The following SPAG1 variants were observed in gnomAD, a reference collection of about 807,000 sequenced individuals.
SPAG1 encodes the protein sperm-associated antigen 1.
In SPAG1, 69 loss-of-function variants were observed where a neutral mutation model predicts 100.5. The observed-to-expected ratio is 0.69, with a 90% confidence interval of 0.57 to 0.84. The LOEUF (loss-of-function observed/expected upper bound fraction) is 0.84. SPAG1 is among the 40% of genes least tolerant of loss of function. The pLI is 0.00. For synonymous variants in SPAG1, 336 were observed against 411.6 expected, an observed-to-expected ratio of 0.82 and a Z score of 2.22; for missense variants, 955 against 1,133.1, an observed-to-expected ratio of 0.84 and a Z score of 2.26.
intron 3 of SPAG1, among the ~76,000 whole-genome samples, chr8:100,168,844 C>T (rs1435516672): frequency 4.6e-5 from 7 of 151,792 alleles, no homozygotes; most frequent in East Asian, 1.9e-4. Context: ...TGCGCCACCA[C>T]GCCCAGCTAA....
intron 4 of SPAG1, among the ~76,000 whole-genome samples, chr8:100,180,148 C>T (rs1011807193): frequency 1.3e-5 from 2 of 152,028 alleles, no homozygotes; most frequent in South Asian, 2.1e-4. Flanking sequence ...GGCAACATAG[C>T]GAGACCCCAT....
chr8:100,193,925 A>G (rs1038536029), intron 9 of SPAG1, among the ~76,000 whole-genome samples, 187 bp from the exon 10 acceptor site: 5 of 151,788 alleles, frequency 3.3e-5, no homozygotes, highest in Non-Finnish European at 1.5e-5. Flanking sequence ...TACTTGTTAC[A>G]CCGCTTTTTG....
rs1222074240 is a variant in SPAG1, at chr8:100,239,345, A to G, written c.2221A>G (p.Lys741Glu). The G allele has an allele frequency of 6.3e-7, 1 of 1,597,776 alleles. No homozygotes were observed. Among genetic ancestry groups the G allele is most frequent in the South Asian group, 1.1e-5 (1 of 88,964 alleles). ...LEEVTRLLNL[K>E]DKTAPFNKEK... ...AGAGGTAACTAGACTCCTTAATCTT[A>G]AGGATAAGACAGCACCATTCAACAA... The change falls in exon 17 of 19, where the codon AAG becomes GAG. Residue 741 changes from lysine (K) to glutamate (E), a missense_variant. Lys to Glu is a moderately conservative substitution (Grantham distance 56). Transcript: ENST00000388798. The surrounding 1 kb of genome is among the most constrained non-coding windows in gnomAD (Gnocchi z 5.0).
chr8:100,192,641 A>G (rs374166844), intron 9 of SPAG1, among the ~76,000 whole-genome samples: 2 of 152,202 alleles, frequency 1.3e-5, no homozygotes, highest in African/African-American at 4.8e-5. Flanking sequence ...AGTGGCAGCT[A>G]ATGTTCCTAG....
chr8:100,170,767 A>G (rs1815779827), intron 3 of SPAG1, among the ~76,000 whole-genome samples: 4 of 152,022 alleles, frequency 2.6e-5, no homozygotes, highest in Admixed American at 2.6e-4. Context: ...GCCATCTGTG[A>G]AAAATAAGAG....
intron 3 of SPAG1, among the ~76,000 whole-genome samples, chr8:100,170,800 C>G (rs1289193420): frequency 8.8e-6 from 1 of 113,518 alleles, no homozygotes; most frequent in Non-Finnish European, 1.9e-5. Context: ...TCCAGTCTGC[C>G]ATTTATTTAT....
chr8:100,225,145 C>G (rs1323949884), intron 13 of SPAG1, 28 bp from the exon 14 acceptor site: 2 of 1,579,906 alleles, frequency 1.3e-6, no homozygotes, highest in Non-Finnish European at 1.7e-6. Flanking sequence ...ACTAAATGAT[C>G]AACAGAGAAA....
rs1175895846 is a variant in SPAG1 at position 100,233,532 on chromosome 8, C to T, written c.2110C>T (p.Leu704Phe). ...FYRRALAHKG[L>F]KNYQKSLIDL... ...TAGACGAGCTCTGGCTCATAAAGGA[C>T]TCAAGGTGAGGAAATCTTCATTTTA... Residue 704 changes from leucine (L) to phenylalanine (F), a missense_variant, in exon 16 of 19, where the codon CTC (leucine) becomes TTC (phenylalanine). Transcript: ENST00000388798. 1 of 1,595,372 alleles carries T rather than the reference C, an allele frequency of 6.3e-7. No individual in the cohort carries two copies. The highest frequency in any genetic ancestry group is 8.6e-7 in the Non-Finnish European group (1 of 1,169,264).
intron 3 of SPAG1, among the ~76,000 whole-genome samples, chr8:100,172,461 A>C (rs1030597655): frequency 5.3e-5 from 8 of 152,114 alleles, no homozygotes; most frequent in African/African-American, 1.9e-4. Flanking sequence ...TCTACTAAAA[A>C]TACAAACAAT....
At chr8:100,207,262 C>A (rs1037813092) in intron 10 of SPAG1, among the ~76,000 whole-genome samples, 7 of 152,174 alleles carry the variant, frequency 4.6e-5, no homozygotes, top group African/African-American at 1.7e-4. Flanking sequence ...CAGGCTCAAG[C>A]AGGTTCTGAA....
At position 100,165,791 on chromosome 8, in the gene SPAG1, AAACTTATTT is replaced by A; in HGVS notation, c.141-21_141-13del. The A allele has an allele frequency of 6.3e-7, 1 of 1,598,568 alleles. No individual in the cohort carries two copies. Among genetic ancestry groups the A allele is most frequent in the South Asian group, 1.1e-5 (1 of 88,978 alleles). ...GATCCTAAATAAGGTGCTAACTCTA[AAACTTATTT>A]ATTTCTTTTTAAGATCTGGTGAGGA... On this transcript the variant is annotated splice_polypyrimidine_tract_variant and intron_variant, in intron 2 of 18. Coordinates refer to ENST00000388798, the MANE Select transcript of SPAG1 (RefSeq NM_003114.5).
At chr8:100,231,775 C>T (rs1284393748) in intron 15 of SPAG1, among the ~76,000 whole-genome samples, 1 of 151,988 alleles carries the variant, frequency 6.6e-6, no homozygotes, top group Admixed American at 6.6e-5. Context: ...CTGGCTAACA[C>T]GGTGAAACCC....
At chr8:100,197,277 A>AC (rs1182310834) in intron 10 of SPAG1, among the ~76,000 whole-genome samples, 1 of 152,008 alleles carries the variant, frequency 6.6e-6, no homozygotes, top group African/African-American at 2.4e-5. Context: ...ACATAACGAG[A>AC]CCCCATCTTT....
intron 10 of SPAG1, among the ~76,000 whole-genome samples, chr8:100,194,842 GCCT>G (rs1816963430): frequency 6.6e-6 from 1 of 152,116 alleles, no homozygotes; most frequent in South Asian, 2.1e-4. Flanking sequence ...GGAAGGATTT[GCCT>G]CCTCACATGA....
Position 100,184,731 on chromosome 8 carries a change from C to T in SPAG1, c.699C>T (p.Thr233=). Residue 233 remains threonine (T), a splice_region_variant and synonymous_variant, in exon 7 of 19, where the codon ACC becomes ACT. Transcript: ENST00000388798. The part of the protein sequence containing the change: ...GDYEEAVMYY[T]RSISALPTVV... ...ATGAAGAAGCAGTGATGTATTATAC[C>T]AGGTGAGCAGATGTTTGTTGGGGTT... 1 of 1,551,170 alleles carries T rather than the reference C, an allele frequency of 6.4e-7. No individual in the cohort carries two copies. The highest frequency in any genetic ancestry group is 2.3e-5 in the East Asian group (1 of 43,106).
At chr8:100,238,268 C>G (rs1408232876) in intron 16 of SPAG1, among the ~76,000 whole-genome samples, 2 of 152,104 alleles carry the variant, frequency 1.3e-5, no homozygotes. Flanking sequence ...CTTTTATAAA[C>G]TAGAGCAGAT....
chr8:100,176,902 C>T (rs1300809634), intron 3 of SPAG1, among the ~76,000 whole-genome samples: 4 of 142,180 alleles, frequency 2.8e-5, no homozygotes, highest in Non-Finnish European at 6.2e-5. Flanking sequence ...CCTCCCCCTC[C>T]CTCTCTCCTT....
intron 3 of SPAG1, among the ~76,000 whole-genome samples, chr8:100,169,502 G>A (rs977809635): frequency 6.6e-6 from 1 of 152,250 alleles, no homozygotes; most frequent in South Asian, 2.1e-4. Flanking sequence ...ACTTTGGGAG[G>A]CTGAGGCGGG....
chr8:100,173,092 G>A (rs1449494134), intron 3 of SPAG1, among the ~76,000 whole-genome samples: 2 of 138,358 alleles, frequency 1.4e-5, no homozygotes, highest in Non-Finnish European at 1.5e-5. Flanking sequence ...ACCCAGGCTG[G>A]AGTGCAGTGG....
Sources: allele counts gnomAD v4.1 joint callset (sites outside exome capture counted in the v4.1 genomes callset), GRCh38; gene constraint gnomAD v4.1.1; non-coding constraint Gnocchi (gnomAD v3.1); transcripts MANE v1.5; gene names NCBI Gene and HGNC (gene_info 2026-07-23, HGNC 2026-07-21).